The following ACSM2B variants were observed in gnomAD, a reference collection of about 807,000 sequenced individuals.
ACSM2B encodes acyl-CoA synthetase medium chain family member 2B, also known as acyl-coenzyme A synthetase ACSM2B, mitochondrial.
In ACSM2B, 58 loss-of-function variants were observed where a neutral mutation model predicts 78.6. The observed-to-expected ratio is 0.74, with a 90% CI of 0.60 to 0.92. The LOEUF is 0.92. Ranked by LOEUF, ACSM2B falls within the 40% of genes least tolerant of loss-of-function variation. The pLI is 0.00. For missense variants in ACSM2B, 688 were observed against 711.2 expected (o/e 0.97, Z 0.37); for synonymous variants, 257 against 256.8 (o/e 1.00, Z -0.01).
At position 20,546,542 on chromosome 16, in the gene ACSM2B, T is replaced by G. The variant is rs1470129679; in HGVS notation, c.1099-68A>C. Reference sequence around the variant, plus strand: ...TACAAGGTCACAGAAAAAGAAAAAATTTCTGCAGAGCGGGTCCTGACACTG... The same window carrying G: ...TACAAGGTCACAGAAAAAGAAAAAAGTTCTGCAGAGCGGGTCCTGACACTG... On this transcript the variant is annotated intron_variant, in intron 8 of 13. Coordinates refer to ENST00000329697, the MANE Select transcript of ACSM2B (RefSeq NM_001105069.2). 2.6e-5 allele frequency: 41 copies of G among 1,565,046 alleles called. No individual in the cohort carries two copies. In the South Asian group the frequency reaches 3.8e-4, roughly 15 times the overall value.
chr16:20,557,936 G>A (rs2152140762), intron 3 of ACSM2B, among the ~76,000 whole-genome samples: 1 of 152,218 alleles, frequency 6.6e-6, no homozygotes, highest in Admixed American at 6.5e-5. Context: ...GCTAACTATG[G>A]CAGAAATCTA....
At chr16:20,560,511 G>A (rs2015619637) in intron 2 of ACSM2B, among the ~76,000 whole-genome samples, 1 of 151,944 alleles carries the variant, frequency 6.6e-6, no homozygotes, top group Admixed American at 6.6e-5. Flanking sequence ...AATTTCTTGA[G>A]GCCCCCATCA....
At chr16:20,560,633 C>G (rs940989234) in intron 2 of ACSM2B, among the ~76,000 whole-genome samples, 2 of 151,996 alleles carry the variant, frequency 1.3e-5, no homozygotes, top group African/African-American at 2.4e-5. Context: ...AACACAAGAA[C>G]AGTCCGATAC....
chr16:20,558,100 G>T (rs565659022), intron 3 of ACSM2B, among the ~76,000 whole-genome samples: 19 of 152,270 alleles, frequency 1.2e-4, no homozygotes, highest in Admixed American at 3.9e-4. Flanking sequence ...GAGGTCACAA[G>T]ATTTGTAACC....
chr16:20,566,724 A>ATATAT (rs1567218541), intron 1 of ACSM2B, among the ~76,000 whole-genome samples: 3 of 30,960 alleles, frequency 9.7e-5, no homozygotes, highest in Non-Finnish European at 1.4e-4. Context: ...TATAGTATAT[A>ATATAT]CTATATATAG....
chr16:20,555,197 C>A (rs1410801109), intron 4 of ACSM2B, 72 bp downstream of exon 4: 3 of 1,603,770 alleles, frequency 1.9e-6, no homozygotes, highest in Non-Finnish European at 2.6e-6. Context: ...CTCAATAAAG[C>A]ACCTGCACCT....
Position 20,555,308 on chromosome 16 carries a change from T to G in ACSM2B, c.557A>C (p.Lys186Thr). 1.2e-6 allele frequency: 2 copies of G among 1,613,926 alleles called. No homozygotes were observed. The highest frequency in any genetic ancestry group is 1.7e-6 in the Non-Finnish European group (2 of 1,179,856). ...SLRIKLLVSE[K>T]SCDGWLNFKK... is the part of the protein sequence containing the mutation. Reference sequence around the variant, plus strand: ...GAAGTTCAGCCACCCATCGCAGCTTTTCTCAGACACCAGTAGCTTAATTCT... The same window carrying G: ...GAAGTTCAGCCACCCATCGCAGCTTGTCTCAGACACCAGTAGCTTAATTCT... The change falls in exon 4 of 14, where the codon AAA (lysine) becomes ACA (threonine). Residue 186 changes from lysine (K) to threonine (T), a missense_variant. Lys to Thr is a moderately conservative substitution (Grantham distance 78). Transcript: ENST00000329697.
chr16:20,559,497 G>A lies in ACSM2B; in HGVS notation c.178-50C>T, dbSNP rs746661778. 6 of 1,590,534 alleles carry A rather than the reference G, an allele frequency of 3.8e-6. No individual in the cohort carries two copies. The South Asian group carries it at 4.5e-5, about 12-fold the overall frequency. ...TTAGGGGGCATTGGTACACAAGCAG[G>A]TAGGATAAATTCCAAGTCTTGGGAT... On this transcript the variant is annotated intron_variant, in intron 2 of 13. Coordinates refer to ENST00000329697, the MANE Select transcript of ACSM2B (RefSeq NM_001105069.2).
intron 12 of ACSM2B, 179 bp from the exon 13 acceptor site, chr16:20,540,952 G>C (rs544740050): frequency 2.1e-6 from 2 of 955,442 alleles, no homozygotes; most frequent in African/African-American, 3.3e-5. Context: ...AGCTCTCTCT[G>C]AAGTCGTTTA....
At chr16:20,568,358 T>C (rs2015993900) in intron 1 of ACSM2B, among the ~76,000 whole-genome samples, 1 of 145,860 alleles carries the variant, frequency 6.9e-6, no homozygotes, top group African/African-American at 2.5e-5. Context: ...ATATATCATA[T>C]ATATCACATA....
intron 8 of ACSM2B, chr16:20,547,696 T>G: frequency 6.4e-6 from 7 of 1,100,340 alleles, no homozygotes; most frequent in Non-Finnish European, 7.8e-6. Flanking sequence ...CTTTGGTCTC[T>G]GCTAAAATGT....
At position 20,548,048 on chromosome 16, in the gene ACSM2B, C is replaced by A; in HGVS notation, c.1098+14G>T. ...AAAGTGCACACAGCCCATGGTTCCC[C>A]TGGGAACAGGTACCGTTTCTGTCTG... On this transcript the variant is annotated intron_variant, in intron 8 of 13. Coordinates refer to ENST00000329697, the MANE Select transcript of ACSM2B (RefSeq NM_001105069.2). 1 of 1,613,852 alleles carries A rather than the reference C, an allele frequency of 6.2e-7. No individual in the cohort carries two copies. Among genetic ancestry groups the A allele is most frequent in the Non-Finnish European group, 8.5e-7 (1 of 1,179,800 alleles).
intron 3 of ACSM2B, among the ~76,000 whole-genome samples, chr16:20,556,668 C>G (rs2015484160): frequency 6.6e-6 from 1 of 152,162 alleles, no homozygotes; most frequent in African/African-American, 2.4e-5. Flanking sequence ...GAAGCTTAAA[C>G]CACATGCCCG....
At chr16:20,572,861 C>A (rs1009521385) in intron 1 of ACSM2B, among the ~76,000 whole-genome samples, 1 of 151,514 alleles carries the variant, frequency 6.6e-6, no homozygotes, top group African/African-American at 2.4e-5. Context: ...TTGTTCAATT[C>A]TATTGTTGAG....
In ACSM2B at chr16:20,537,295, T is replaced by C. The variant is rs778378804; in HGVS notation, c.1697A>G (p.Lys566Arg). ...GGCTTTTCCGGACATCTTCCACTCCTTGTCTCGAAGTTTGGTTCGTTGAAT... is the reference window on the plus strand; with the variant it reads ...GGCTTTTCCGGACATCTTCCACTCCCTGTCTCGAAGTTTGGTTCGTTGAAT... ...GKIQRTKLRD[K>R]EWKMSGKARA... The change falls in exon 14 of 14, where the codon AAG becomes AGG. Residue 566 changes from lysine (K) to arginine (R), a missense_variant. Transcript: ENST00000329697. The C allele has an allele frequency of 6.2e-7, 1 of 1,614,048 alleles. No homozygotes were observed. The highest frequency in any genetic ancestry group is 1.1e-5 in the South Asian group (1 of 91,084).
chr16:20,542,842 T>C, intron 12 of ACSM2B, 72 bp downstream of exon 12: 4 of 1,586,280 alleles, frequency 2.5e-6, no homozygotes, highest in Non-Finnish European at 3.4e-6. Context: ...ACAGTCCCTG[T>C]TCTTAAACCA....
At chr16:20,544,861 C>T (rs1452826899) in intron 10 of ACSM2B, 3 of 1,058,312 alleles carry the variant, frequency 2.8e-6, no homozygotes, top group African/African-American at 3.3e-5. Context: ...GGGAATGGTG[C>T]TGTGTATAGT....
At chr16:20,564,946 A>T (rs2015778948) in intron 1 of ACSM2B, 93 bp from the exon 2 acceptor site, 5 of 1,488,094 alleles carry the variant, frequency 3.4e-6, no homozygotes, top group African/African-American at 1.4e-5. Flanking sequence ...CCAACCTTAT[A>T]GGATTCTTCC....
chr16:20,547,767 C>G lies in ACSM2B; in HGVS notation c.1098+295G>C, dbSNP rs372268255. The G allele has an allele frequency of 2.4e-4, 245 of 1,031,034 alleles. No individual in the cohort carries two copies. In the East Asian group the frequency reaches 3.0e-3, roughly 13 times the overall value. The allele number at this position is 1,031,034 out of a possible 1,614,324, so 63.9% of individuals were successfully genotyped here. ...GTGATTTACCAACTTCTCACCCCAT[C>G]TCATCTACTTTACTTTTTCCATCGC... On this transcript the variant is annotated intron_variant, in intron 8 of 13. Transcript: ENST00000329697.
Sources: allele counts gnomAD v4.1 joint callset (sites outside exome capture counted in the v4.1 genomes callset), GRCh38; gene constraint gnomAD v4.1.1; transcripts MANE v1.5; gene names NCBI Gene and HGNC (gene_info 2026-07-23, HGNC 2026-07-21).